Variants in HIVEP2 observed in about 807,000 individuals in gnomAD.
HIVEP2 encodes the protein transcription factor HIVEP2.
HIVEP2 carries 14 observed loss-of-function variants against 180.7 expected under a neutral mutation model. The ratio of observed to expected loss-of-function variants is 0.08; its 90% CI spans 0.05 to 0.12. The LOEUF is 0.12. Among genes scored for constraint, HIVEP2 ranks in the 10% least tolerant of loss-of-function variants. HIVEP2 has a pLI of 1.00. For missense variants in HIVEP2, 2,579 were observed against 3,008.5 expected (o/e 0.86, Z 3.34); for synonymous variants, 1,184 against 1,136.4 (o/e 1.04, Z -0.84).
chr6:142,816,235 T>G (rs1331685568), intron 2 of HIVEP2, among the ~76,000 whole-genome samples: 1 of 151,986 alleles, frequency 6.6e-6, no homozygotes, highest in Non-Finnish European at 1.5e-5. Context: ...TTCCAGGAGG[T>G]GGAAATGCCT....
chr6:142,761,331 T>A (rs983447914), intron 8 of HIVEP2, 133 bp downstream of exon 8: 1 of 543,144 alleles, frequency 1.8e-6, no homozygotes, highest in Non-Finnish European at 3.3e-6. Context: ...CAGTTTTATT[T>A]TCTATATTTA....
Position 142,943,027 on chromosome 6 carries a change from C to CATT in HIVEP2, c.-641+2069_-641+2071dup, listed in dbSNP as rs2128442031. Among the ~76,000 whole-genome samples the CATT allele has an allele frequency of 6.6e-6, 1 of 152,292 alleles. No homozygotes were observed. Among genetic ancestry groups the CATT allele is most frequent in the South Asian group, 2.1e-4 (1 of 4,828 alleles). ...ATGACACTTGAAACAAACACACTAT[C>CATT]ATTAAGTAAATACTGGTAAATCCCT... On this transcript the variant is annotated intron_variant, in intron 1 of 9. Transcript: ENST00000367603. This position sits in a 1 kb window ranked among gnomAD's most constrained non-coding sequence, Gnocchi z 4.5.
At chr6:142,762,710 G>T (rs148138029) in intron 7 of HIVEP2, among the ~76,000 whole-genome samples, 1 of 152,272 alleles carries the variant, frequency 6.6e-6, no homozygotes, top group Non-Finnish European at 1.5e-5. Context: ...TCTGGTAGGG[G>T]TGTTCAGCTT....
intron 2 of HIVEP2, among the ~76,000 whole-genome samples, chr6:142,803,596 C>CACACACACACACAA (rs34620210): frequency 1.8e-4 from 27 of 151,384 alleles, no homozygotes; most frequent in African/African-American, 6.3e-4. Context: ...CACACACACA[C>CACACACACACACAA]AAAACTCAGG....
chr6:142,753,391 G>A lies in HIVEP2; in HGVS notation c.7057C>T (p.Arg2353Trp), dbSNP rs146957238. The change falls in exon 10 of 10, where the codon CGG becomes TGG. Residue 2353 changes from arginine to tryptophan, a missense_variant. Physicochemically the swap from Arg to Trp is moderately radical, Grantham distance 101. Transcript: ENST00000367603. ...AALLGPDQPA[R>W]VQEPHQNPLG... ...GGGTTCTGGTGGGGCTCCTGCACCC[G>A]CGCTGGCTGATCTGGCCCGAGCAGA... The A allele has an allele frequency of 9.9e-6, 16 of 1,613,960 alleles. No homozygotes were observed. The East Asian group carries it at 1.6e-4, about 16-fold the overall frequency.
intron 1 of HIVEP2, among the ~76,000 whole-genome samples, chr6:142,915,951 T>C (rs1299341709): frequency 6.6e-6 from 1 of 152,200 alleles, no homozygotes; most frequent in Non-Finnish European, 1.5e-5. Flanking sequence ...GCTTTCCCCT[T>C]AGTGAGCCCC....
At chr6:142,932,314 A>T (rs1462143470) in intron 1 of HIVEP2, among the ~76,000 whole-genome samples, 1 of 152,244 alleles carries the variant, frequency 6.6e-6, no homozygotes, top group Non-Finnish European at 1.5e-5. Flanking sequence ...AATTTGCATT[A>T]CATTATTATA....
chr6:142,882,980 T>C (rs1256054146), intron 1 of HIVEP2, among the ~76,000 whole-genome samples: 1 of 152,112 alleles, frequency 6.6e-6, no homozygotes, highest in Non-Finnish European at 1.5e-5. Context: ...TCAAATAGTC[T>C]GATCATCTAT....
rs1308482283 is a variant in HIVEP2 at position 142,768,551 on chromosome 6, G to A, written c.5188-15C>T. Reference sequence around the variant, plus strand: ...TCAGGTTTCATCTGTAAGACAAGAAGAGAGAATCATTTCACATGCTTTCTC... The same window carrying A: ...TCAGGTTTCATCTGTAAGACAAGAAAAGAGAATCATTTCACATGCTTTCTC... On this transcript the variant is annotated splice_polypyrimidine_tract_variant and intron_variant, in intron 5 of 9. Transcript: ENST00000367603. 5 of 1,611,088 alleles carry A rather than the reference G, an allele frequency of 3.1e-6. No homozygotes were observed. The highest frequency in any genetic ancestry group is 4.2e-6 in the Non-Finnish European group (5 of 1,179,026).
intron 1 of HIVEP2, among the ~76,000 whole-genome samples, chr6:142,901,256 C>T (rs1777126821): frequency 6.6e-6 from 1 of 152,040 alleles, no homozygotes; most frequent in South Asian, 2.1e-4. Flanking sequence ...ATGAGAAATG[C>T]AAAGTACAAA....
chr6:142,778,905 T>A (rs972774665), intron 3 of HIVEP2, among the ~76,000 whole-genome samples: 2 of 152,318 alleles, frequency 1.3e-5, no homozygotes, highest in East Asian at 3.9e-4. Context: ...TTAATGGTTC[T>A]GAGAGAATAT....
chr6:142,785,240 C>G (rs1321789593), intron 2 of HIVEP2, among the ~76,000 whole-genome samples: 3 of 118,190 alleles, frequency 2.5e-5, no homozygotes, highest in Non-Finnish European at 3.5e-5. Flanking sequence ...TTTAAAAAAT[C>G]AAATAAAAGC....
At chr6:142,793,609 C>A (rs1204461498) in intron 2 of HIVEP2, among the ~76,000 whole-genome samples, 1 of 140,732 alleles carries the variant, frequency 7.1e-6, no homozygotes. Context: ...CCTCCCACCT[C>A]CCATCCTTCC....
At chr6:142,806,628 C>CAGGCTTTTCTAGAGGT (rs1337148852) in intron 2 of HIVEP2, among the ~76,000 whole-genome samples, 3 of 152,062 alleles carry the variant, frequency 2.0e-5, no homozygotes, top group Admixed American at 2.0e-4. Context: ...GGTATAATGG[C>CAGGCTTTTCTAGAGGT]AGGCTTTTCT....
At position 142,753,596 on chromosome 6, in the gene HIVEP2, C is replaced by T. The variant is rs1002786610; in HGVS notation, c.6852G>A (p.Lys2284=). Residue 2284 remains lysine, a synonymous_variant, in exon 10 of 10, where the codon AAG becomes AAA. Transcript: ENST00000367603. ...DPYVLSKQHE[K]RGPHALQSSG... ...ATGACTGCAAAGCGTGAGGACCTCGCTTCTCATGCTGCTTAGAAAGCACAT... is the reference window on the plus strand; with the variant it reads ...ATGACTGCAAAGCGTGAGGACCTCGTTTCTCATGCTGCTTAGAAAGCACAT... 5.5e-5 allele frequency: 89 copies of T among 1,614,012 alleles called. No individual in the cohort carries two copies. The highest frequency in any genetic ancestry group is 6.9e-5 in the Non-Finnish European group (82 of 1,179,990).
At chr6:142,898,912 G>GT (rs1306882162) in intron 1 of HIVEP2, among the ~76,000 whole-genome samples, 1 of 152,122 alleles carries the variant, frequency 6.6e-6, no homozygotes, top group African/African-American at 2.4e-5. Context: ...GGCTTTCATT[G>GT]TTTTTTCGCT....
chr6:142,865,903 C>T (rs889261248), intron 1 of HIVEP2, among the ~76,000 whole-genome samples: 1 of 152,164 alleles, frequency 6.6e-6, no homozygotes, highest in African/African-American at 2.4e-5. Context: ...ACTTCTAGGC[C>T]ATCCCAAGAC....
At chr6:142,910,143 G>A (rs2081598833) in intron 1 of HIVEP2, among the ~76,000 whole-genome samples, 1 of 152,114 alleles carries the variant, frequency 6.6e-6, no homozygotes, top group African/African-American at 2.4e-5. Context: ...AGGCTGAATA[G>A]GTATTTTCTA....
At chr6:142,895,284 T>C (rs780169138) in intron 1 of HIVEP2, among the ~76,000 whole-genome samples, 28 of 152,206 alleles carry the variant, frequency 1.8e-4, no homozygotes, top group Admixed American at 9.2e-4. Flanking sequence ...TTTTAAACAA[T>C]AAAAATCTGG....
Sources: allele counts gnomAD v4.1 joint callset (sites outside exome capture counted in the v4.1 genomes callset), GRCh38; gene constraint gnomAD v4.1.1; non-coding constraint Gnocchi (gnomAD v3.1); transcripts MANE v1.5; gene names NCBI Gene and HGNC (gene_info 2026-07-23, HGNC 2026-07-21).